ZNF529: variants seen among roughly 807,000 people sequenced by gnomAD.
ZNF529 encodes the protein zinc finger protein 529.
Under a neutral mutation model 10.1 loss-of-function variants are expected in ZNF529, and 11 were observed. The ratio of observed to expected loss-of-function variants is 1.09; its 90% confidence interval spans 0.69 to 1.81. ZNF529 has a LOEUF of 1.81. ZNF529 is among the 40% of genes most tolerant of loss of function. The pLI, the probability that ZNF529 is intolerant of heterozygous loss-of-function variation, is 0.00. For missense variants in ZNF529, 624 were observed against 666.8 expected (o/e 0.94, Z 0.71); for synonymous variants, 204 against 215.7 (o/e 0.95, Z 0.47).
intron 1 of ZNF529, among the ~76,000 whole-genome samples, chr19:36,595,789 C>T (rs992312537): frequency 2.6e-5 from 4 of 152,054 alleles, no homozygotes; most frequent in Non-Finnish European, 4.4e-5. Context: ...CATATACCTA[C>T]AATATACATA....
In ZNF529 at chr19:36,546,577, G is replaced by T; in HGVS notation, c.*289C>A. 1 of 296,282 alleles carries T rather than the reference G, an allele frequency of 3.4e-6. No homozygotes were observed. The highest frequency in any genetic ancestry group is 6.2e-6 in the Non-Finnish European group (1 of 160,720). 18.4% of individuals were successfully genotyped at this position (296,282 alleles called of 1,614,324 possible). A position where few individuals can be genotyped will look rare whatever the true frequency, so the allele number is the denominator to read the frequency against. ...ATTAAAAAACTGAATAGTCAAAAGA[G>T]CAATAATACAAACATCAAAAGCTAT... On this transcript the variant is annotated 3_prime_UTR_variant, in exon 5 of 5. Coordinates refer to ENST00000591340, the MANE Select transcript of ZNF529 (RefSeq NM_020951.5).
intron 2 of ZNF529, among the ~76,000 whole-genome samples, chr19:36,585,405 G>A (rs1233112662): frequency 6.6e-6 from 1 of 152,296 alleles, no homozygotes; most frequent in African/African-American, 2.4e-5. Flanking sequence ...TGTGCTCACA[G>A]ATCTAGCTAC....
chr19:36,570,172 G>A (rs1481345432), intron 2 of ZNF529, among the ~76,000 whole-genome samples: 1 of 151,768 alleles, frequency 6.6e-6, no homozygotes, highest in Non-Finnish European at 1.5e-5. Context: ...ATCAGCTTGG[G>A]CAACATGGCA....
At chr19:36,601,550 T>C (rs754668982) in intron 1 of ZNF529, among the ~76,000 whole-genome samples, 5 of 152,104 alleles carry the variant, frequency 3.3e-5, no homozygotes, top group Non-Finnish European at 5.9e-5. Flanking sequence ...TCATTGCACC[T>C]TATATGTGAA....
At position 36,554,737 on chromosome 19, in the gene ZNF529, C is replaced by A. The variant is rs1222041106; in HGVS notation, c.168G>T (p.Leu56=). ...INFSQEEWEY[L]DSAQRNLYWD... is the part of the protein sequence containing the mutation. ...AGTACAAGTTCCTCTGAGCAGAATC[C>A]AGATATTCCCATTCCTCCTGAGAGA... is the stretch of plus-strand genomic sequence containing the variant. Residue 56 remains leucine (L), a synonymous_variant, in exon 4 of 5, where the codon CTG becomes CTT. Transcript: ENST00000591340. 1.3e-6 allele frequency: 2 copies of A among 1,576,832 alleles called. No individual in the cohort carries two copies. The highest frequency in any genetic ancestry group is 1.7e-6 in the Non-Finnish European group (2 of 1,160,306).
intron 4 of ZNF529, among the ~76,000 whole-genome samples, chr19:36,553,996 C>T (rs1293478030): frequency 1.3e-5 from 2 of 152,106 alleles, no homozygotes; most frequent in African/African-American, 4.8e-5. Context: ...TAAGATGTCT[C>T]ATTATGTATA....
Position 36,547,775 on chromosome 19 carries a change from C to G in ZNF529, c.783G>C (p.Arg261Ser). The change falls in exon 5 of 5, where the codon AGG becomes AGC. Residue 261 changes from arginine (R) to serine (S), a missense_variant. Arg to Ser is a moderately radical substitution (Grantham distance 110). Transcript: ENST00000591340. ...TAACTTTTCCAACTCTTTCAAAGGTCCTTCTGTATTCCTTACATTTATAGA... is the reference window on the plus strand; with the variant it reads ...TAACTTTTCCAACTCTTTCAAAGGTGCTTCTGTATTCCTTACATTTATAGA... ...EKFYKCKEYR[R>S]TFERVGKVTP... 6.2e-7 allele frequency: 1 copy of G among 1,612,562 alleles called. No individual in the cohort carries two copies. The highest frequency in any genetic ancestry group is 8.5e-7 in the Non-Finnish European group (1 of 1,179,332).
intron 2 of ZNF529, among the ~76,000 whole-genome samples, chr19:36,568,827 A>G (rs1426902547): frequency 6.6e-6 from 1 of 152,152 alleles, no homozygotes; most frequent in Non-Finnish European, 1.5e-5. Flanking sequence ...AAAGGCCACA[A>G]AGGACAGTGG....
chr19:36,576,169 C>T (rs933563012), upstream of ZNF529, among the ~76,000 whole-genome samples: 11 of 152,006 alleles, frequency 7.2e-5, no homozygotes, highest in African/African-American at 1.7e-4. Flanking sequence ...TTTTGCCTCC[C>T]TTCTCTCTGT....
chr19:36,584,422 T>C (rs932099116), intron 2 of ZNF529, among the ~76,000 whole-genome samples: 3 of 152,160 alleles, frequency 2.0e-5, no homozygotes, highest in African/African-American at 7.2e-5. Flanking sequence ...TAAGTAATGA[T>C]GATTACTTTT....
intron 1 of ZNF529, among the ~76,000 whole-genome samples, chr19:36,599,271 A>G (rs1285984812): frequency 6.6e-6 from 1 of 152,208 alleles, no homozygotes; most frequent in East Asian, 1.9e-4. Flanking sequence ...ATACATACAT[A>G]TATAATTCTG....
chr19:36,572,055 CT>C (rs971852061), intron 2 of ZNF529, among the ~76,000 whole-genome samples: 1 of 147,286 alleles, frequency 6.8e-6, no homozygotes, highest in African/African-American at 2.5e-5. Context: ...TGCCATTCTA[CT>C]TAATCACTCG....
intron 2 of ZNF529, among the ~76,000 whole-genome samples, chr19:36,584,471 C>G (rs1389758455): frequency 2.0e-5 from 3 of 152,000 alleles, no homozygotes; most frequent in Non-Finnish European, 4.4e-5. Context: ...AAGCACCAGA[C>G]AAAAATAGAA....
chr19:36,582,483 A>T (rs1402256346), intron 2 of ZNF529: 1 of 152,208 alleles, frequency 6.6e-6, no homozygotes, highest in Non-Finnish European at 1.5e-5. Flanking sequence ...AGACGGGCAG[A>T]TCACGAGGTC....
At chr19:36,586,292 A>G (rs906567619) in intron 2 of ZNF529, among the ~76,000 whole-genome samples, 4 of 152,178 alleles carry the variant, frequency 2.6e-5, no homozygotes, top group Non-Finnish European at 5.9e-5. Context: ...GGGAAAAGAC[A>G]CCACTCTGTG....
At position 36,546,909 on chromosome 19, in the gene ZNF529, G is replaced by GT. The variant is rs1291158304; in HGVS notation, c.1648dup (p.Thr550AsnfsTer10). ...ACCAGTGTAAATTTTCGGTTGGCAA[G>GT]TAAGATGCCCAACAACACTAAAGGA... On this transcript the variant is annotated frameshift_variant, in exon 5 of 5. Coordinates refer to ENST00000591340, the MANE Select transcript of ZNF529 (RefSeq NM_020951.5). LOFTEE classifies it low-confidence loss of function (END_TRUNC). The GT allele has an allele frequency of 1.2e-6, 2 of 1,612,072 alleles. No homozygotes were observed. The highest frequency in any genetic ancestry group is 2.2e-5 in the South Asian group (2 of 90,676).
chr19:36,553,066 C>A (rs190927726), intron 4 of ZNF529, among the ~76,000 whole-genome samples: 1,612 of 152,298 alleles, frequency 0.011, 21 homozygotes, highest in South Asian at 0.043. Flanking sequence ...TTGTAAGCAA[C>A]CTCTTCTGTA....
chr19:36,592,747 T>C (rs770991414), intron 1 of ZNF529, among the ~76,000 whole-genome samples: 2 of 152,172 alleles, frequency 1.3e-5, no homozygotes, highest in Non-Finnish European at 2.9e-5. Context: ...TTGGGTTGGC[T>C]GGGAGGCAGG....
chr19:36,574,976 T>C, upstream of ZNF529: 1 of 462,978 alleles, frequency 2.2e-6, no homozygotes, highest in Admixed American at 2.4e-5. Flanking sequence ...TGTGTGAGAT[T>C]GTGTAACTGG....
Sources: gnomAD v4.1 joint callset for allele counts (sites outside exome capture counted in the v4.1 genomes callset) on GRCh38, gnomAD v4.1.1 for gene constraint, MANE v1.5 for transcripts, NCBI Gene and HGNC (gene_info 2026-07-23, HGNC 2026-07-21) for gene names.